The following C10orf90 variants were observed in gnomAD, a reference collection of about 807,000 sequenced individuals.
The protein encoded by C10orf90 is chromosome 10 open reading frame 90.
A neutral mutation model predicts 62.5 loss-of-function variants in C10orf90; 56 were observed. The observed-to-expected ratio is 0.90, with a 90% CI of 0.72 to 1.12. The LOEUF (loss-of-function observed/expected upper bound fraction) is 1.12, where lower values mean the gene tolerates loss of function less well. Among genes scored for constraint, C10orf90 ranks in the 50% most tolerant of loss-of-function variants. The probability of loss-of-function intolerance (pLI) is 0.00; values close to 1 mark genes in which losing one functional copy is unlikely to be tolerated. For missense variants in C10orf90, 970 were observed against 880.4 expected (o/e 1.10, Z -1.29); for synonymous variants, 386 against 340.4 (o/e 1.13, Z -1.47).
intron 2 of C10orf90, among the ~76,000 whole-genome samples, chr10:126,619,824 A>G (rs7093843): frequency 0.048 from 7,366 of 152,094 alleles, 523 homozygotes; most frequent in African/African-American, 0.16. Flanking sequence ...ATTTTTCTGT[A>G]GAGACGGGGT....
rs917128696 is a variant in C10orf90 at position 126,649,396 on chromosome 10, A to G, written c.241-2759T>C. Among the ~76,000 whole-genome samples, 5 of 151,574 alleles carry G rather than the reference A, an allele frequency of 3.3e-5. 1 individual carries two copies. Among genetic ancestry groups the G allele is most frequent in the South Asian group, 4.2e-4 (2 of 4,744 alleles). ...GAGGGCCCTGGTGGTGCCCCTGCTC[A>G]TCTCTGTGGCATCACTCACTGGGCA... On this transcript the variant is annotated intron_variant, in intron 1 of 9. Transcript: ENST00000488181.
At chr10:126,506,250 C>A (rs537875678) in intron 3 of C10orf90, among the ~76,000 whole-genome samples, 39 of 152,286 alleles carry the variant, frequency 2.6e-4, no homozygotes, top group South Asian at 1.0e-3. Context: ...AGCATCTAAC[C>A]AGGTCTATAC....
chr10:126,470,091 G>C (rs1406604850), intron 4 of C10orf90: 4 of 450,406 alleles, frequency 8.9e-6, no homozygotes, highest in Non-Finnish European at 1.8e-5. Flanking sequence ...CATACTGCAG[G>C]GGGGAAGGCA....
intron 8 of C10orf90, among the ~76,000 whole-genome samples, chr10:126,428,845 A>G (rs1857409585): frequency 6.6e-6 from 1 of 152,110 alleles, no homozygotes; most frequent in African/African-American, 2.4e-5. Context: ...TCCAATTAGA[A>G]TGCTACGAAT....
At chr10:126,516,252 G>C (rs564584750) in intron 2 of C10orf90, among the ~76,000 whole-genome samples, 1 of 152,202 alleles carries the variant, frequency 6.6e-6, no homozygotes, top group East Asian at 1.9e-4. Flanking sequence ...TGAGGATATC[G>C]TATGGAAAGC....
intron 1 of C10orf90, among the ~76,000 whole-genome samples, chr10:126,650,206 C>T (rs185196455): frequency 9.1e-4 from 138 of 152,318 alleles, no homozygotes; most frequent in African/African-American, 3.0e-3. Context: ...TTTGCTATTT[C>T]GTGAGTGATC....
At chr10:126,621,210 T>C (rs972866765) in intron 2 of C10orf90, among the ~76,000 whole-genome samples, 1 of 152,246 alleles carries the variant, frequency 6.6e-6, no homozygotes, top group African/African-American at 2.4e-5. Flanking sequence ...CCACTGGAAA[T>C]ATTCAGTTTC....
intron 1 of C10orf90, among the ~76,000 whole-genome samples, chr10:126,650,207 G>C (rs1007946101): frequency 4.6e-5 from 7 of 152,120 alleles, no homozygotes; most frequent in Non-Finnish European, 7.4e-5. Context: ...TTGCTATTTC[G>C]TGAGTGATCA....
rs531737535 is a variant in C10orf90 at position 126,626,503 on chromosome 10, C to T, written c.313+20062G>A. 5.9e-5 allele frequency among the ~76,000 whole-genome samples: 9 copies of T among 152,280 alleles called. No homozygotes were observed. In the South Asian group the frequency reaches 1.9e-3, roughly 32 times the overall value. On this transcript the variant is annotated intron_variant, in intron 2 of 9. Transcript: ENST00000488181. ...AAGAACCAAAGAGCCACCTGTCTTG[C>T]CTCGTGTGTGAAGGGCTTATTACTG...
At chr10:126,501,197 T>C (rs1480432587) in intron 4 of C10orf90, among the ~76,000 whole-genome samples, 1 of 152,190 alleles carries the variant, frequency 6.6e-6, no homozygotes, top group African/African-American at 2.4e-5. Flanking sequence ...TTTTGTGGAA[T>C]CTGAAGGTCA....
chr10:126,530,484 AT>A (rs1401811622), intron 2 of C10orf90, among the ~76,000 whole-genome samples: 1 of 152,062 alleles, frequency 6.6e-6, no homozygotes, highest in Non-Finnish European at 1.5e-5. Flanking sequence ...TTAGAAAAAA[AT>A]ATACAAATTG....
At chr10:126,557,435 A>G (rs948551532) in intron 2 of C10orf90, among the ~76,000 whole-genome samples, 17 of 149,086 alleles carry the variant, frequency 1.1e-4, no homozygotes, top group East Asian at 2.0e-4. Context: ...AGCGGAGATC[A>G]TGCCACTGCA....
At chr10:126,457,405 C>T (rs916172626) in intron 7 of C10orf90, among the ~76,000 whole-genome samples, 2 of 152,176 alleles carry the variant, frequency 1.3e-5, no homozygotes, top group African/African-American at 4.8e-5. Context: ...TGTTCCAGAC[C>T]ACTTGTGGCT....
intron 3 of C10orf90, among the ~76,000 whole-genome samples, chr10:126,510,646 A>G (rs915825635): frequency 3.9e-5 from 6 of 152,224 alleles, no homozygotes; most frequent in Admixed American, 3.9e-4. Flanking sequence ...CCAGCACCAC[A>G]TAACACATTT....
chr10:126,657,044 G>A (rs1358179181), intron 1 of C10orf90, among the ~76,000 whole-genome samples: 1 of 152,206 alleles, frequency 6.6e-6, no homozygotes, highest in African/African-American at 2.4e-5. Flanking sequence ...ACACAGGTAA[G>A]TGCAGAGCCA....
intron 2 of C10orf90, among the ~76,000 whole-genome samples, chr10:126,532,382 A>T (rs1335481346): frequency 2.6e-5 from 4 of 152,072 alleles, no homozygotes; most frequent in South Asian, 4.2e-4. Context: ...TCACAATTGC[A>T]TCTTTCTCCC....
chr10:126,453,696 C>T lies in C10orf90; in HGVS notation c.2188+5344G>A, dbSNP rs945112445. Among the ~76,000 whole-genome samples, 12 of 152,018 alleles carry T rather than the reference C, an allele frequency of 7.9e-5. No individual in the cohort carries two copies. The highest frequency in any genetic ancestry group is 2.7e-4 in the African/African-American group (11 of 41,368). On this transcript the variant is annotated intron_variant, in intron 7 of 9. Transcript: ENST00000488181. This position sits in a 1 kb window ranked among gnomAD's most constrained non-coding sequence, Gnocchi z 4.9. ...TAGCAGTAATTCATAACAAAGTGCT[C>T]GGCTGAGAGATGAAAGCCACCAGAG...
intron 7 of C10orf90, among the ~76,000 whole-genome samples, chr10:126,442,132 C>T (rs1019083130): frequency 1.2e-4 from 18 of 151,834 alleles, no homozygotes; most frequent in Admixed American, 5.3e-4. Flanking sequence ...AAGAATTCAC[C>T]AGCCAACCAT....
rs577620219 is a variant in C10orf90, at chr10:126,608,771, TTA to T, written c.313+37792_313+37793del. Among the ~76,000 whole-genome samples, 290 of 152,312 alleles carry T rather than the reference TTA, an allele frequency of 1.9e-3. 1 individual carries two copies. Among genetic ancestry groups the T allele is most frequent in the Non-Finnish European group, 2.7e-3 (185 of 68,014 alleles). On this transcript the variant is annotated intron_variant, in intron 2 of 9. Coordinates refer to ENST00000488181, the MANE Select transcript of C10orf90 (RefSeq NM_001350921.2). ...TTCTCATACTGTTTTTGTTAGAAAA[TTA>T]TAGTTATTTTTTAATAAAAATAATC...
Sources: allele counts gnomAD v4.1 joint callset (sites outside exome capture counted in the v4.1 genomes callset), GRCh38; gene constraint gnomAD v4.1.1; non-coding constraint Gnocchi (gnomAD v3.1); transcripts MANE v1.5; gene names NCBI Gene and HGNC (gene_info 2026-07-23, HGNC 2026-07-21).